Variants in SNX2 observed in about 807,000 individuals in gnomAD.
SNX2 encodes sorting nexin-2.
A neutral mutation model predicts 69.9 loss-of-function variants in SNX2; 25 were observed. The ratio of observed to expected loss-of-function variants is 0.36; its 90% CI spans 0.26 to 0.50. The LOEUF is 0.50. Ranked by LOEUF, SNX2 falls within the 20% of genes least tolerant of loss-of-function variation. The pLI is 0.97. For synonymous variants in SNX2, 229 were observed against 200.4 expected, an observed-to-expected ratio of 1.14 and a Z score of -1.20; for missense variants, 551 against 613.3, an observed-to-expected ratio of 0.90 and a Z score of 1.07.
rs560590056 is a variant in SNX2 at position 122,830,465 on chromosome 5, C to G, written c.*817C>G. Among the ~76,000 whole-genome samples the G allele has an allele frequency of 6.6e-6, 1 of 152,266 alleles. No homozygotes were observed. Among genetic ancestry groups the G allele is most frequent in the African/African-American group, 2.4e-5 (1 of 41,558 alleles). On this transcript the variant is annotated 3_prime_UTR_variant, in exon 15 of 15. Coordinates refer to ENST00000379516, the MANE Select transcript of SNX2 (RefSeq NM_003100.4). The stretch of plus-strand genomic sequence containing the variant: ...TTCATCTTCTCGTTATCTTCAGAAT[C>G]TCGTACTTTGCATATATTTAATTTA...
intron 1 of SNX2, among the ~76,000 whole-genome samples, chr5:122,785,002 T>G (rs1173273887): frequency 2.6e-5 from 4 of 152,168 alleles, no homozygotes; most frequent in Non-Finnish European, 5.9e-5. Flanking sequence ...GGGCATACTG[T>G]TTTTTGTAGT....
At chr5:122,806,142 G>GCGCACGCGCGCACACCCACACACACACA in intron 6 of SNX2, among the ~76,000 whole-genome samples, 1 of 130,584 alleles carries the variant, frequency 7.7e-6, no homozygotes, top group Non-Finnish European at 1.6e-5. Flanking sequence ...ACACGCGCGC[G>GCGCACGCGCGCACACCCACACACACACA]CACACACACA....
At chr5:122,777,953 T>G (rs1752890675) in intron 1 of SNX2, among the ~76,000 whole-genome samples, 1 of 152,234 alleles carries the variant, frequency 6.6e-6, no homozygotes, top group Non-Finnish European at 1.5e-5. Context: ...GGCTGTAATA[T>G]TGTATGTTAA....
rs574427699 is a variant in SNX2, at chr5:122,801,996, T to G, written c.457+61T>G. On this transcript the variant is annotated intron_variant, in intron 4 of 14. Transcript: ENST00000379516. ...TTATTAGTTTGTTGGTTTTGTATGGTTTTTCTTCATACATCAATATAGTAT... is the reference window on the plus strand; with the variant it reads ...TTATTAGTTTGTTGGTTTTGTATGGGTTTTCTTCATACATCAATATAGTAT... 1.9e-5 allele frequency: 29 copies of G among 1,518,452 alleles called. No homozygotes were observed. The African/African-American group carries it at 3.8e-4, about 20-fold the overall frequency. 94.1% of individuals were successfully genotyped at this position (1,518,452 alleles called of 1,614,324 possible).
At chr5:122,812,646 GTATGTTTAT>G (rs779990192) in intron 7 of SNX2, among the ~76,000 whole-genome samples, 99 of 152,014 alleles carry the variant, frequency 6.5e-4, no homozygotes, top group Non-Finnish European at 1.2e-3. Flanking sequence ...TTTATCATTT[GTATGTTTAT>G]TATGTTTATA....
At position 122,811,850 on chromosome 5, in the gene SNX2, T is replaced by A. The variant is rs12513609; in HGVS notation, c.722+3495T>A. ...CTAAATAAATAAATAAATAAATAAA[T>A]AAATAAATAAAATGTAGTGTGTCAG... On this transcript the variant is annotated intron_variant, in intron 7 of 14. Coordinates refer to ENST00000379516, the MANE Select transcript of SNX2 (RefSeq NM_003100.4). Among the ~76,000 whole-genome samples the A allele has an allele frequency of 1.3e-4, 19 of 151,012 alleles. No homozygotes were observed. In the East Asian group the frequency reaches 1.4e-3, roughly 11 times the overall value.
At chr5:122,808,907 T>C (rs1203018497) in intron 7 of SNX2, among the ~76,000 whole-genome samples, 2 of 152,158 alleles carry the variant, frequency 1.3e-5, no homozygotes, top group Non-Finnish European at 2.9e-5. Context: ...TTAAATACAG[T>C]GAGAAGTACA....
intron 1 of SNX2, among the ~76,000 whole-genome samples, chr5:122,780,505 G>A (rs558860244): frequency 2.0e-5 from 3 of 151,922 alleles, no homozygotes; most frequent in South Asian, 2.1e-4. Context: ...CTGCGAGCAA[G>A]TTTAGTATCT....
chr5:122,826,915 CAT>C (rs1302754180), intron 12 of SNX2, among the ~76,000 whole-genome samples: 6 of 152,002 alleles, frequency 3.9e-5, no homozygotes, highest in Non-Finnish European at 7.4e-5. Context: ...AAATGTTTAT[CAT>C]GTAATTTTCC....
chr5:122,782,665 T>C lies in SNX2; in HGVS notation c.108+7454T>C, dbSNP rs1311603083. ...GATTCTCCTGCCTCAGCCTCCCTAG[T>C]AGCTGGGATTACAGGTGCCCACCAC... is the stretch of plus-strand genomic sequence containing the variant. On this transcript the variant is annotated intron_variant, in intron 1 of 14. Coordinates refer to ENST00000379516, the MANE Select transcript of SNX2 (RefSeq NM_003100.4). Among the ~76,000 whole-genome samples the C allele has an allele frequency of 2.6e-5, 4 of 152,094 alleles. No homozygotes were observed. In the East Asian group the frequency reaches 7.8e-4, roughly 30 times the overall value.
chr5:122,775,429 C>G, intron 1 of SNX2: 1 of 1,262,684 alleles, frequency 7.9e-7, no homozygotes, highest in Non-Finnish European at 1.0e-6. Flanking sequence ...CGGGTGCCGA[C>G]CTAATCCTCA....
intron 1 of SNX2, among the ~76,000 whole-genome samples, chr5:122,790,881 G>C (rs955287724): frequency 9.2e-5 from 14 of 152,146 alleles, no homozygotes; most frequent in African/African-American, 3.4e-4. Flanking sequence ...CATGCAGCTA[G>C]AACTTTCAGT....
chr5:122,831,975 A>G lies in SNX2; in HGVS notation c.*2327A>G, dbSNP rs1754300814. On this transcript the variant is annotated 3_prime_UTR_variant, in exon 15 of 15. Coordinates refer to ENST00000379516, the MANE Select transcript of SNX2 (RefSeq NM_003100.4). ...CTCTGATACCTACCAGTATTTAAAC[A>G]GGATTTAATTATTTCAACACTTCAC... Among the ~76,000 whole-genome samples the G allele has an allele frequency of 6.6e-6, 1 of 152,236 alleles. No homozygotes were observed. Among genetic ancestry groups the G allele is most frequent in the Admixed American group, 6.5e-5 (1 of 15,286 alleles).
intron 7 of SNX2, among the ~76,000 whole-genome samples, chr5:122,810,735 T>G (rs1753755278): frequency 6.6e-6 from 1 of 152,178 alleles, no homozygotes; most frequent in African/African-American, 2.4e-5. Flanking sequence ...CTTTCTTTAC[T>G]GATAAATGCT....
At chr5:122,806,217 A>T (rs1753655027) in intron 6 of SNX2, among the ~76,000 whole-genome samples, 1 of 151,804 alleles carries the variant, frequency 6.6e-6, no homozygotes, top group Non-Finnish European at 1.5e-5. Flanking sequence ...AATACAGTTT[A>T]TATATAGAGA....
intron 8 of SNX2, 26 bp from the exon 9 acceptor site, chr5:122,816,889 T>A (rs1379154751): frequency 6.9e-7 from 1 of 1,450,102 alleles, no homozygotes; most frequent in Non-Finnish European, 9.7e-7. Context: ...CCGGTTTGTT[T>A]GCCCTTATTT....
intron 1 of SNX2, among the ~76,000 whole-genome samples, chr5:122,778,852 T>C (rs955766921): frequency 6.6e-6 from 1 of 152,180 alleles, no homozygotes; most frequent in Non-Finnish European, 1.5e-5. Flanking sequence ...GCTATATCAG[T>C]AAATAAAACA....
chr5:122,784,855 C>T (rs573804394), intron 1 of SNX2, among the ~76,000 whole-genome samples: 2 of 152,258 alleles, frequency 1.3e-5, no homozygotes, highest in South Asian at 4.1e-4. Context: ...ATGAAGTCAT[C>T]TGAATTGTAG....
intron 3 of SNX2, among the ~76,000 whole-genome samples, chr5:122,800,440 CATAAT>C (rs1561455512): frequency 6.6e-6 from 1 of 152,002 alleles, no homozygotes; most frequent in Non-Finnish European, 1.5e-5. Flanking sequence ...ATCTCGCAAA[CATAAT>C]ATTAAGGGAA....
Sources: gnomAD v4.1 joint callset for allele counts (sites outside exome capture counted in the v4.1 genomes callset) on GRCh38, gnomAD v4.1.1 for gene constraint, MANE v1.5 for transcripts, NCBI Gene and HGNC (gene_info 2026-07-23, HGNC 2026-07-21) for gene names.